The following CCDC7 variants were observed in gnomAD, a reference collection of about 807,000 sequenced individuals.
The protein encoded by CCDC7 is coiled-coil domain containing 7, also known as coiled-coil domain-containing protein 7.
In CCDC7, 183 loss-of-function variants were observed where a neutral mutation model predicts 196.9. That is an observed-to-expected ratio of 0.93 (90% CI 0.82 to 1.05). CCDC7 has a LOEUF of 1.05. Ranked by LOEUF, CCDC7 falls within the 50% of genes least tolerant of loss-of-function variation. The probability of loss-of-function intolerance (pLI) is 0.00; values close to 1 mark genes in which losing one functional copy is unlikely to be tolerated. For synonymous variants in CCDC7, 525 were observed against 484.6 expected (o/e 1.08, Z -1.10); for missense variants, 1,540 against 1,482.2 (o/e 1.04, Z -0.64).
At position 32,463,002 on chromosome 10, in the gene CCDC7, TTTGTTTTC is replaced by T. The variant is rs766393125; in HGVS notation, c.478-12_478-5del. 6.8e-6 allele frequency: 11 copies of T among 1,613,362 alleles called. No homozygotes were observed. The African/African-American group carries it at 9.3e-5, about 14-fold the overall frequency. ...TCACTATTTCTTTTTTTGTCCCTCT[TTTGTTTTC>T]TTAAAGTGGTTTCAGTGGCAGGTCA... is the stretch of plus-strand genomic sequence containing the variant. On this transcript the variant is annotated splice_region_variant and splice_polypyrimidine_tract_variant and intron_variant, in intron 4 of 41. Coordinates refer to ENST00000639629, the Ensembl canonical transcript of CCDC7.
At chr10:32,495,322 T>C (rs1233853476) in intron 9 of CCDC7, among the ~76,000 whole-genome samples, 1 of 152,220 alleles carries the variant, frequency 6.6e-6, no homozygotes, top group Non-Finnish European at 1.5e-5. Flanking sequence ...TGCAAAAATC[T>C]TCTCCCATTC....
chr10:32,681,410 A>G (rs2075831360), intron 21 of CCDC7, among the ~76,000 whole-genome samples: 1 of 152,194 alleles, frequency 6.6e-6, no homozygotes, highest in Non-Finnish European at 1.5e-5. Context: ...TGAACAATAC[A>G]GTCATTGTTT....
intron 32 of CCDC7, among the ~76,000 whole-genome samples, chr10:32,828,361 C>T (rs2091455558): frequency 6.7e-6 from 1 of 149,468 alleles, no homozygotes; most frequent in Non-Finnish European, 1.5e-5. Context: ...TTCATATTGG[C>T]TCAGAATAAA....
At chr10:32,692,745 A>G (rs2077231740) in intron 23 of CCDC7, among the ~76,000 whole-genome samples, 1 of 152,224 alleles carries the variant, frequency 6.6e-6, no homozygotes, top group Non-Finnish European at 1.5e-5. Context: ...ATTAAAAGCC[A>G]TAGCCTAGAT....
At chr10:32,712,758 C>T (rs999369797) in intron 25 of CCDC7, among the ~76,000 whole-genome samples, 8 of 152,184 alleles carry the variant, frequency 5.3e-5, no homozygotes, top group African/African-American at 1.9e-4. Flanking sequence ...GTTCCTTCAT[C>T]CTGGACAACA....
intron 31 of CCDC7, among the ~76,000 whole-genome samples, chr10:32,818,158 G>A (rs865886073): frequency 6.9e-4 from 104 of 151,556 alleles, no homozygotes; most frequent in African/African-American, 2.2e-3. Context: ...CCAAGCAAAT[G>A]GAAAACAAAA....
At chr10:32,643,762 C>T (rs1350118752) in intron 20 of CCDC7, among the ~76,000 whole-genome samples, 2 of 151,566 alleles carry the variant, frequency 1.3e-5, no homozygotes, top group African/African-American at 4.8e-5. Flanking sequence ...TTTCCATATC[C>T]TTGCAGTAGA....
intron 28 of CCDC7, among the ~76,000 whole-genome samples, chr10:32,736,462 C>T (rs1322207744): frequency 6.6e-6 from 1 of 151,920 alleles, no homozygotes; most frequent in African/African-American, 2.4e-5. Flanking sequence ...CATATGTATA[C>T]ATGTGACATG....
chr10:32,824,483 A>G, intron 31 of CCDC7, 35 bp from the exon 33 acceptor site: 1 of 1,395,612 alleles, frequency 7.2e-7, no homozygotes, highest in Admixed American at 1.8e-5. Flanking sequence ...ATTTACATTA[A>G]AAAAGTGTTT....
At chr10:32,545,065 G>T (rs1053862833) in intron 13 of CCDC7, among the ~76,000 whole-genome samples, 1 of 152,130 alleles carries the variant, frequency 6.6e-6, no homozygotes, top group African/African-American at 2.4e-5. Context: ...CTAGCAGAAA[G>T]AAACTTGGAA....
chr10:32,464,756 T>C (rs1249677623), intron 5 of CCDC7, among the ~76,000 whole-genome samples: 1 of 152,106 alleles, frequency 6.6e-6, no homozygotes, highest in Non-Finnish European at 1.5e-5. Context: ...TGCAATTCCC[T>C]TGCCTCCGCC....
intron 41 of CCDC7, among the ~76,000 whole-genome samples, chr10:32,861,487 A>G (rs879481596): frequency 4.6e-5 from 7 of 152,338 alleles, no homozygotes; most frequent in Non-Finnish European, 8.8e-5. Flanking sequence ...AAACCTAGGC[A>G]ATACCATTCA....
chr10:32,554,510 T>A (rs1173006159), intron 13 of CCDC7, among the ~76,000 whole-genome samples: 1 of 151,990 alleles, frequency 6.6e-6, no homozygotes, highest in Non-Finnish European at 1.5e-5. Context: ...TCTTCTACTC[T>A]TATATTTCAC....
chr10:32,638,842 T>A (rs917445790), intron 20 of CCDC7, among the ~76,000 whole-genome samples: 28 of 152,312 alleles, frequency 1.8e-4, no homozygotes, highest in African/African-American at 6.7e-4. Flanking sequence ...AGAATTCGGC[T>A]GTGAATCCAT....
chr10:32,677,090 T>C (rs1403643957), intron 21 of CCDC7, among the ~76,000 whole-genome samples: 5 of 151,062 alleles, frequency 3.3e-5, no homozygotes, highest in Non-Finnish European at 5.9e-5. Context: ...TTGGAAATCA[T>C]CATTCTCAGT....
chr10:32,707,414 A>T (rs930976579), intron 24 of CCDC7, among the ~76,000 whole-genome samples: 3 of 152,208 alleles, frequency 2.0e-5, no homozygotes, highest in Non-Finnish European at 4.4e-5. Context: ...CTGGCACAAG[A>T]CAGGGATGCC....
intron 24 of CCDC7, among the ~76,000 whole-genome samples, chr10:32,709,923 G>A (rs1293256218): frequency 6.6e-6 from 1 of 152,128 alleles, no homozygotes; most frequent in African/African-American, 2.4e-5. Context: ...AAGAGACCAA[G>A]GGATCACCAG....
chr10:32,561,055 G>T (rs1443224529), intron 13 of CCDC7, among the ~76,000 whole-genome samples: 1 of 150,588 alleles, frequency 6.6e-6, no homozygotes, highest in Admixed American at 6.6e-5. Context: ...AAACCACAAA[G>T]ATCAAAAGAG....
chr10:32,752,189 G>A (rs545494940), intron 28 of CCDC7, among the ~76,000 whole-genome samples: 1 of 152,054 alleles, frequency 6.6e-6, no homozygotes, highest in African/African-American at 2.4e-5. Context: ...TAAGTCCATG[G>A]AATAAGCACT....
Sources: gnomAD v4.1 joint callset for allele counts (sites outside exome capture counted in the v4.1 genomes callset) on GRCh38, gnomAD v4.1.1 for gene constraint, MANE v1.5 for transcripts, NCBI Gene and HGNC (gene_info 2026-07-23, HGNC 2026-07-21) for gene names.